Variants in ZDHHC4 observed in about 807,000 individuals in gnomAD.
The protein encoded by ZDHHC4 is palmitoyltransferase ZDHHC4.
A neutral mutation model predicts 36.7 loss-of-function variants in ZDHHC4; 42 were observed. The ratio of observed to expected loss-of-function variants is 1.14; its 90% CI spans 0.89 to 1.48. ZDHHC4 has a LOEUF of 1.48. ZDHHC4 is among the 40% of genes most tolerant of loss of function. The pLI, the probability that ZDHHC4 is intolerant of heterozygous loss-of-function variation, is 0.00. For missense variants in ZDHHC4, 457 were observed against 421.5 expected (o/e 1.08, Z -0.74); for synonymous variants, 189 against 166.6 (o/e 1.13, Z -1.03).
At chr7:6,587,146 ATGC>A (rs1781297518) in intron 7 of ZDHHC4, among the ~76,000 whole-genome samples, 1 of 151,688 alleles carries the variant, frequency 6.6e-6, no homozygotes, top group Non-Finnish European at 1.5e-5. Flanking sequence ...CTGGGCTCAA[ATGC>A]TCCCACCTTG....
At position 6,588,730 on chromosome 7, in the gene ZDHHC4, G is replaced by A. The variant is rs762469870; in HGVS notation, c.855G>A (p.Gln285=). 5.0e-6 allele frequency: 8 copies of A among 1,614,220 alleles called. No individual in the cohort carries two copies. Among genetic ancestry groups the A allele is most frequent in the Non-Finnish European group, 6.8e-6 (8 of 1,180,034 alleles). The change falls in exon 8 of 8, where the codon CAG becomes CAA. Residue 285 remains glutamine (Q), a synonymous_variant. Coordinates refer to ENST00000335965, the MANE Select transcript of ZDHHC4 (RefSeq NM_001134389.2). ...LFVLYLAATN[Q]TTNEWYRGDW... The stretch of plus-strand genomic sequence containing the variant: ...TCCTGTATCTGGCGGCCACCAACCA[G>A]ACTACTAACGAGTGGTACAGAGGTG...
At position 6,586,046 on chromosome 7, in the gene ZDHHC4, G is replaced by A. The variant is rs1307773729; in HGVS notation, c.741+786G>A. Among the ~76,000 whole-genome samples the A allele has an allele frequency of 2.0e-5, 3 of 151,990 alleles. No individual in the cohort carries two copies. The East Asian group carries it at 5.8e-4, about 29-fold the overall frequency. ...CCAGCATCTGTAGTCCCAGCTACTCGGGAGGCCGAGGCAGGAGAATCACTT... is the reference window on the plus strand; with the variant it reads ...CCAGCATCTGTAGTCCCAGCTACTCAGGAGGCCGAGGCAGGAGAATCACTT... On this transcript the variant is annotated intron_variant, in intron 7 of 7. Coordinates refer to ENST00000335965, the MANE Select transcript of ZDHHC4 (RefSeq NM_001134389.2).
chr7:6,585,287 C>G (rs942191507), intron 7 of ZDHHC4, 27 bp downstream of exon 7: 1 of 1,597,486 alleles, frequency 6.3e-7, no homozygotes, highest in East Asian at 2.2e-5. Flanking sequence ...TTTCTGACTT[C>G]AAGTTTCAGA....
intron 2 of ZDHHC4, among the ~76,000 whole-genome samples, chr7:6,579,719 G>A (rs1583376876): frequency 6.6e-6 from 1 of 152,210 alleles, no homozygotes; most frequent in East Asian, 1.9e-4. Context: ...ATTTAAGGAA[G>A]TAAAAGAATG....
intron 6 of ZDHHC4, among the ~76,000 whole-genome samples, chr7:6,584,543 G>A (rs1253694764): frequency 2.0e-5 from 3 of 152,180 alleles, no homozygotes; most frequent in Admixed American, 2.0e-4. Flanking sequence ...ACTAACTCTT[G>A]TGTTGCCTCC....
At chr7:6,583,701 G>T in intron 6 of ZDHHC4, 1 of 343,282 alleles carries the variant, frequency 2.9e-6, no homozygotes, top group South Asian at 6.0e-5. Flanking sequence ...TGTTTCTGCG[G>T]ATGTTGTGTT....
Position 6,588,726 on chromosome 7 carries a change from A to G in ZDHHC4, c.851A>G (p.Asn284Ser), listed in dbSNP as rs1781448146. 1.2e-6 allele frequency: 2 copies of G among 1,614,122 alleles called. No individual in the cohort carries two copies. Among genetic ancestry groups the G allele is most frequent in the African/African-American group, 1.3e-5 (1 of 74,940 alleles). Reference sequence around the variant, plus strand: ...TTTGTCCTGTATCTGGCGGCCACCAACCAGACTACTAACGAGTGGTACAGA... The same window carrying G: ...TTTGTCCTGTATCTGGCGGCCACCAGCCAGACTACTAACGAGTGGTACAGA... ...LLFVLYLAAT[N>S]QTTNEWYRGD... The change falls in exon 8 of 8, where the codon AAC becomes AGC. Residue 284 changes from asparagine to serine, a missense_variant. Physicochemically the swap from Asn to Ser is conservative, Grantham distance 46 (BLOSUM62 1). Transcript: ENST00000335965.
intron 2 of ZDHHC4, among the ~76,000 whole-genome samples, 181 bp from the exon 3 acceptor site, chr7:6,580,374 A>G (rs1459038889): frequency 6.6e-6 from 1 of 151,864 alleles, no homozygotes; most frequent in African/African-American, 2.4e-5. Flanking sequence ...GGCCTCTGTT[A>G]TGTGTGCCTA....
At position 6,588,796 on chromosome 7, in the gene ZDHHC4, T is replaced by G; in HGVS notation, c.921T>G (p.Pro307=). 6.2e-7 allele frequency: 1 copy of G among 1,614,218 alleles called. No individual in the cohort carries two copies. Reference sequence around the variant, plus strand: ...AGCGTTGTCCCCTTGTGGCCTGGCCTCCGTCAGCAGAGCCCCAAGTCCACC... The same window carrying G: ...AGCGTTGTCCCCTTGTGGCCTGGCCGCCGTCAGCAGAGCCCCAAGTCCACC... The part of the protein sequence containing the change: ...WCQRCPLVAW[P]PSAEPQVHRN... The change falls in exon 8 of 8, where the codon CCT becomes CCG. Residue 307 remains proline (P), a synonymous_variant. Transcript: ENST00000335965.
intron 2 of ZDHHC4, among the ~76,000 whole-genome samples, chr7:6,579,231 C>T (rs113856100): frequency 0.1 from 15,068 of 149,138 alleles, 1,017 homozygotes; most frequent in African/African-American, 0.19. Flanking sequence ...AACGGAGTCT[C>T]GCTCTGTTGC....
intron 5 of ZDHHC4, 125 bp downstream of exon 5, chr7:6,582,376 C>G: frequency 1.1e-6 from 1 of 950,638 alleles, no homozygotes; most frequent in Non-Finnish European, 1.6e-6. Context: ...TTTTCATTAC[C>G]TTTCAGTTTT....
At chr7:6,583,811 T>C (rs1412054229) in intron 6 of ZDHHC4, 1 of 159,960 alleles carries the variant, frequency 6.3e-6, no homozygotes, top group African/African-American at 2.4e-5. Context: ...GCGCAGCGGT[T>C]CATGCCAGGA....
chr7:6,586,941 TTTTTATGTTTATAAAACATG>T (rs1311948090), intron 7 of ZDHHC4, among the ~76,000 whole-genome samples: 2 of 152,174 alleles, frequency 1.3e-5, no homozygotes, highest in African/African-American at 4.8e-5. Context: ...TGGACATAGG[TTTTTATGTTTATAAAACATG>T]TTTTATGTTT....
intron 7 of ZDHHC4, among the ~76,000 whole-genome samples, chr7:6,587,478 T>TTATTACAAA (rs1403178782): frequency 2.0e-5 from 3 of 152,234 alleles, no homozygotes; most frequent in African/African-American, 7.2e-5. Context: ...TTCATTTTGC[T>TTATTACAAA]TATTACAAAA....
chr7:6,584,971 C>A, intron 6 of ZDHHC4, 45 bp from the exon 7 acceptor site: 1 of 1,606,654 alleles, frequency 6.2e-7, no homozygotes, highest in South Asian at 1.1e-5. Context: ...GTGTCCTTGT[C>A]TCGTCAAGCA....
At position 6,588,666 on chromosome 7, in the gene ZDHHC4, T is replaced by A. The variant is rs751526487; in HGVS notation, c.791T>A (p.Val264Glu). The change falls in exon 8 of 8, where the codon GTG becomes GAG. Residue 264 changes from valine to glutamate, a missense_variant. Val to Glu is a moderately radical substitution (Grantham distance 121, BLOSUM62 -2). Transcript: ENST00000335965. ...PRIVFMLGFVVVLSFLLGGYL... is the reference protein window; with the variant it reads ...PRIVFMLGFVEVLSFLLGGYL... ...ATTGTCTTCATGCTGGGCTTTGTCG[T>A]GGTTCTGAGCTTCCTCCTGGGTGGC... 1 of 1,614,222 alleles carries A rather than the reference T, an allele frequency of 6.2e-7. No homozygotes were observed. The highest frequency in any genetic ancestry group is 1.1e-5 in the South Asian group (1 of 91,084).
chr7:6,587,946 A>C (rs1445421474), intron 7 of ZDHHC4, among the ~76,000 whole-genome samples: 1 of 152,160 alleles, frequency 6.6e-6, no homozygotes, highest in African/African-American at 2.4e-5. Context: ...GCTCACTGTA[A>C]CCTTCACCGC....
chr7:6,580,494 T>C, intron 2 of ZDHHC4, 61 bp from the exon 3 acceptor site: 2 of 1,370,136 alleles, frequency 1.5e-6, no homozygotes, highest in Non-Finnish European at 2.1e-6. Context: ...TGTCTGAGAA[T>C]GTGTGCCATG....
chr7:6,585,077 C>T lies in ZDHHC4; in HGVS notation c.558C>T (p.Ile186=), dbSNP rs148705831. ...DHHCVWVNNC[I]GAWNIRYFLI... is the part of the protein sequence containing the mutation. ...ACTGTGTTTGGGTGAACAACTGCAT[C>T]GGGGCCTGGAACATCAGGTACTTCC... is the stretch of plus-strand genomic sequence containing the variant. Residue 186 remains isoleucine, a synonymous_variant, in exon 7 of 8, where the codon ATC becomes ATT. Coordinates refer to ENST00000335965, the MANE Select transcript of ZDHHC4 (RefSeq NM_001134389.2). 55 of 1,613,990 alleles carry T rather than the reference C, an allele frequency of 3.4e-5. No individual in the cohort carries two copies. Among genetic ancestry groups the T allele is most frequent in the Admixed American group, 1.2e-4 (7 of 59,988 alleles).
Sources: allele counts gnomAD v4.1 joint callset (sites outside exome capture counted in the v4.1 genomes callset), GRCh38; gene constraint gnomAD v4.1.1; transcripts MANE v1.5; gene names NCBI Gene and HGNC (gene_info 2026-07-23, HGNC 2026-07-21).